RAB11FIP3: variants seen among roughly 807,000 people sequenced by gnomAD.
RAB11FIP3 encodes the protein RAB11 family interacting protein 3.
RAB11FIP3 carries 17 observed loss-of-function variants against 77.8 expected under a neutral mutation model. The ratio of observed to expected loss-of-function variants is 0.22; its 90% CI spans 0.15 to 0.33. RAB11FIP3 has a LOEUF of 0.33. Among genes scored for constraint, RAB11FIP3 ranks in the 10% least tolerant of loss-of-function variants. The pLI is 1.00. For missense variants in RAB11FIP3, 1,005 were observed against 1,011.2 expected (o/e 0.99, Z 0.08); for synonymous variants, 437 against 448.2 (o/e 0.98, Z 0.31).
chr16:474,488 C>A (rs2055864630), intron 3 of RAB11FIP3, among the ~76,000 whole-genome samples: 1 of 152,028 alleles, frequency 6.6e-6, no homozygotes, highest in Non-Finnish European at 1.5e-5. Flanking sequence ...CGCTGAGTTC[C>A]TGGGCATGGT....
chr16:477,606 A>G (rs2055944120), intron 3 of RAB11FIP3: 1 of 985,142 alleles, frequency 1.0e-6, no homozygotes, highest in Non-Finnish European at 1.2e-6. Context: ...CCCTGTCCTG[A>G]GTGGGCCCTG....
At chr16:470,335 G>A (rs1276473448) in intron 2 of RAB11FIP3, among the ~76,000 whole-genome samples, 5 of 151,922 alleles carry the variant, frequency 3.3e-5, no homozygotes, top group South Asian at 2.1e-4. Context: ...GTTTCACCAT[G>A]TTGCCCAGGC....
intron 9 of RAB11FIP3, 140 bp from the exon 10 acceptor site, chr16:518,803 A>T (rs566435877): frequency 1.1e-5 from 8 of 741,840 alleles, no homozygotes; most frequent in Non-Finnish European, 1.7e-5. Flanking sequence ...GGGTGGGCAC[A>T]TAAGGATTGG....
At chr16:515,849 G>T (rs2032391150) in intron 9 of RAB11FIP3, among the ~76,000 whole-genome samples, 1 of 152,210 alleles carries the variant, frequency 6.6e-6, no homozygotes, top group Non-Finnish European at 1.5e-5. Context: ...GTTGGATAAA[G>T]GCGAGGCTCA....
At chr16:445,113 C>CAAAAAAAAAAAA (rs56706849) in intron 1 of RAB11FIP3, among the ~76,000 whole-genome samples, 14 of 70,774 alleles carry the variant, frequency 2.0e-4, no homozygotes, top group Admixed American at 3.9e-4. Context: ...GACTCTGTCT[C>CAAAAAAAAAAAA]AAAAAAAAAA....
intron 1 of RAB11FIP3, among the ~76,000 whole-genome samples, chr16:449,516 C>T (rs1473933006): frequency 1.3e-5 from 2 of 151,920 alleles, no homozygotes; most frequent in Admixed American, 6.6e-5. Context: ...TGTGGTGGCT[C>T]ACACCTGTAG....
intron 1 of RAB11FIP3, among the ~76,000 whole-genome samples, chr16:437,292 G>C (rs1229027885): frequency 6.6e-6 from 1 of 151,230 alleles, no homozygotes; most frequent in Non-Finnish European, 1.5e-5. Flanking sequence ...AAAAAGGCTA[G>C]ATGTGGTGGC....
At chr16:482,362 G>A (rs1413866384) in intron 3 of RAB11FIP3, 163 bp from the exon 4 acceptor site, 8 of 748,790 alleles carry the variant, frequency 1.1e-5, no homozygotes, top group Non-Finnish European at 1.9e-5. Context: ...AGCCTGAATT[G>A]TGTTTTATAA....
At chr16:486,090 G>C (rs7191868) in intron 4 of RAB11FIP3, among the ~76,000 whole-genome samples, 24,053 of 152,140 alleles carry the variant, frequency 0.16, 2,835 homozygotes, top group African/African-American at 0.33. Context: ...TTTTGGTAGA[G>C]ATAGGGTTTC....
At chr16:469,425 C>A (rs2141677606) in intron 2 of RAB11FIP3, among the ~76,000 whole-genome samples, 1 of 150,776 alleles carries the variant, frequency 6.6e-6, no homozygotes, top group East Asian at 2.0e-4. Context: ...GACAGGGACT[C>A]ACTTTGTCAC....
intron 6 of RAB11FIP3, among the ~76,000 whole-genome samples, chr16:498,321 G>A (rs1200181975): frequency 1.3e-5 from 2 of 152,028 alleles, no homozygotes; most frequent in African/African-American, 2.4e-5. Context: ...CTACAGGTGC[G>A]CATTGCCAAT....
chr16:515,488 C>G (rs888075513), intron 9 of RAB11FIP3, among the ~76,000 whole-genome samples: 1 of 151,930 alleles, frequency 6.6e-6, no homozygotes, highest in African/African-American at 2.4e-5. Flanking sequence ...ATGGCTGACA[C>G]GGACCGGGGT....
chr16:500,962 G>A (rs567455216), intron 6 of RAB11FIP3, among the ~76,000 whole-genome samples: 6 of 152,266 alleles, frequency 3.9e-5, no homozygotes, highest in Admixed American at 1.3e-4. Context: ...GGTCATGGGC[G>A]TTTAAGAGCA....
chr16:451,090 C>A lies in RAB11FIP3; in HGVS notation c.715-10314C>A, dbSNP rs368577084. ...GCTGTTTTCCAAGTATTCTCATGTG[C>A]ATTTTAAGAGTCTCCTGTCTTTAAA... On this transcript the variant is annotated intron_variant, in intron 1 of 13. Coordinates refer to ENST00000262305, the MANE Select transcript of RAB11FIP3 (RefSeq NM_014700.4). Among the ~76,000 whole-genome samples, 11 of 152,200 alleles carry A rather than the reference C, an allele frequency of 7.2e-5. 1 individual carries two copies. The East Asian group carries it at 7.7e-4, about 11-fold the overall frequency.
intron 1 of RAB11FIP3, among the ~76,000 whole-genome samples, chr16:427,983 C>T (rs1237680569): frequency 6.6e-6 from 1 of 152,040 alleles, no homozygotes; most frequent in Non-Finnish European, 1.5e-5. Flanking sequence ...CACCTGTACT[C>T]CTAGCTACTC....
rs987874117 is a variant in RAB11FIP3, at chr16:472,494, G to A, written c.903+1105G>A. Among the ~76,000 whole-genome samples the A allele has an allele frequency of 1.3e-5, 2 of 152,200 alleles. No homozygotes were observed. The highest frequency in any genetic ancestry group is 2.9e-5 in the Non-Finnish European group (2 of 68,034). On this transcript the variant is annotated intron_variant, in intron 3 of 13. Coordinates refer to ENST00000262305, the MANE Select transcript of RAB11FIP3 (RefSeq NM_014700.4). This position sits in a 1 kb window ranked among gnomAD's most constrained non-coding sequence, Gnocchi z 4.1. ...CTCGCATGGCTGCAGTGTGCAGAAC[G>A]TGCTGGGAGACCCCAGGACTACAGA...
chr16:518,273 G>GT (rs1273051976), intron 9 of RAB11FIP3, among the ~76,000 whole-genome samples: 11 of 152,170 alleles, frequency 7.2e-5, no homozygotes, highest in Non-Finnish European at 1.5e-4. Context: ...AGAGATGGGG[G>GT]TCTCACTATA....
intron 1 of RAB11FIP3, among the ~76,000 whole-genome samples, chr16:434,839 A>G (rs1249986043): frequency 6.6e-6 from 1 of 151,908 alleles, no homozygotes; most frequent in African/African-American, 2.4e-5. Flanking sequence ...CGAGGTGGGC[A>G]GATCACTTGA....
At chr16:482,893 G>A (rs542706419) in intron 4 of RAB11FIP3, among the ~76,000 whole-genome samples, 157 bp downstream of exon 4, 2 of 152,332 alleles carry the variant, frequency 1.3e-5, no homozygotes, top group South Asian at 4.1e-4. Context: ...TGACCTTCCT[G>A]GGATGAGCCC....
Sources: allele counts gnomAD v4.1 joint callset (sites outside exome capture counted in the v4.1 genomes callset), GRCh38; gene constraint gnomAD v4.1.1; non-coding constraint Gnocchi (gnomAD v3.1); transcripts MANE v1.5; gene names NCBI Gene and HGNC (gene_info 2026-07-23, HGNC 2026-07-21).